The following DLGAP5 variants were observed in gnomAD, a reference collection of about 807,000 sequenced individuals.
DLGAP5 encodes DLG associated protein 5, also known as disks large-associated protein 5.
Under a neutral mutation model 99.6 loss-of-function variants are expected in DLGAP5, and 90 were observed. The observed-to-expected ratio is 0.90, with a 90% confidence interval of 0.76 to 1.08. The LOEUF (loss-of-function observed/expected upper bound fraction) is 1.08. DLGAP5 is among the 50% of genes least tolerant of loss of function. The pLI is 0.00. For synonymous variants in DLGAP5, 311 were observed against 321.3 expected (o/e 0.97, Z 0.34); for missense variants, 1,036 against 983.5 (o/e 1.05, Z -0.71).
chr14:55,154,532 C>A, intron 15 of DLGAP5, 85 bp downstream of exon 15: 1 of 1,128,888 alleles, frequency 8.9e-7, no homozygotes. Flanking sequence ...AAATATATGT[C>A]TGGCACCTTT....
At position 55,151,796 on chromosome 14, in the gene DLGAP5, G is replaced by A. The variant is rs754169309; in HGVS notation, c.2267C>T (p.Ser756Phe). 1.9e-6 allele frequency: 3 copies of A among 1,613,738 alleles called. No homozygotes were observed. Among genetic ancestry groups the A allele is most frequent in the Non-Finnish European group, 2.5e-6 (3 of 1,179,954 alleles). ...CAAAACATCCTGTGATGTAATTGAA[G>A]AATTCAGTTCCATTCCTTCCACAAC... ...SDVVEGMELN[S>F]SITSQDVLMS... The change falls in exon 17 of 19, where the codon TCT becomes TTT. Residue 756 changes from serine (S) to phenylalanine (F), a missense_variant. By Grantham distance (155) the Ser-to-Phe change is radical (BLOSUM62 -2). Transcript: ENST00000247191.
intron 1 of DLGAP5, among the ~76,000 whole-genome samples, chr14:55,190,893 G>A (rs1883593180): frequency 6.6e-6 from 1 of 152,200 alleles, no homozygotes; most frequent in South Asian, 2.1e-4. Flanking sequence ...ACTATCCACA[G>A]CAAGAGAAAG....
rs1215732362 is a variant in DLGAP5, at chr14:55,151,848, T to C, written c.2215A>G (p.Thr739Ala). The C allele has an allele frequency of 1.2e-6, 2 of 1,614,040 alleles. No individual in the cohort carries two copies. The highest frequency in any genetic ancestry group is 2.2e-5 in the East Asian group (1 of 44,840). Residue 739 changes from threonine (T) to alanine (A), a missense_variant, in exon 17 of 19, where the codon ACT becomes GCT. Thr to Ala is a moderately conservative substitution (Grantham distance 58). Transcript: ENST00000247191. ...TCTGAAATTCCTTCTTTTTTGTTAG[T>C]ATTAATATCATCTGCTACTCCACCA... ...LAGGVADDIN[T>A]NKKEGISDVV...
chr14:55,167,489 CACA>C (rs1566499845), intron 12 of DLGAP5, among the ~76,000 whole-genome samples: 1 of 152,150 alleles, frequency 6.6e-6, no homozygotes, highest in African/African-American at 2.4e-5. Flanking sequence ...TTTCCTTCCT[CACA>C]ACGTTTTCTT....
intron 3 of DLGAP5, among the ~76,000 whole-genome samples, chr14:55,182,802 A>G (rs1239777461): frequency 1.3e-5 from 2 of 152,080 alleles, no homozygotes; most frequent in African/African-American, 4.8e-5. Flanking sequence ...AATTTTATAT[A>G]TCCTTATTGG....
chr14:55,181,123 G>A (rs1411218634), intron 5 of DLGAP5, 90 bp downstream of exon 5: 14 of 1,247,176 alleles, frequency 1.1e-5, no homozygotes, highest in Admixed American at 2.1e-5. Context: ...ACAAACAAAC[G>A]AACAAATTCC....
chr14:55,175,799 C>T (rs1358600715), intron 9 of DLGAP5, 95 bp downstream of exon 9: 6 of 1,111,560 alleles, frequency 5.4e-6, no homozygotes, highest in Non-Finnish European at 6.2e-6. Context: ...AGTAATAATC[C>T]AGAAAAGTAA....
rs576611844 is a variant in DLGAP5 at position 55,159,878 on chromosome 14, T to C, written c.1654-1137A>G. Among the ~76,000 whole-genome samples the C allele has an allele frequency of 1.9e-4, 29 of 152,146 alleles. No individual in the cohort carries two copies. The South Asian group carries it at 4.8e-3, about 25-fold the overall frequency. On this transcript the variant is annotated intron_variant, in intron 13 of 18. Transcript: ENST00000247191. Reference sequence around the variant, plus strand: ...CAAATATGCAAATATGACTGAAGAATAGGCAAAGAAGAAGGAAATATAATT... The same window carrying C: ...CAAATATGCAAATATGACTGAAGAACAGGCAAAGAAGAAGGAAATATAATT...
chr14:55,169,444 A>T lies in DLGAP5; in HGVS notation c.1503T>A (p.Thr501=). Residue 501 remains threonine (T), a synonymous_variant, in exon 12 of 19, where the codon ACT becomes ACA. Transcript: ENST00000247191. ...DCEYKRGIKE[T]TCTDLDGFWD... is the part of the protein sequence containing the mutation. ...AAAATCCATCCAGATCTGTACAGGT[A>T]GTCTCCTTTATACCTCGTTTATATT... is the stretch of plus-strand genomic sequence containing the variant. 6.2e-7 allele frequency: 1 copy of T among 1,610,718 alleles called. No homozygotes were observed. Among genetic ancestry groups the T allele is most frequent in the Non-Finnish European group, 8.5e-7 (1 of 1,178,906 alleles).
chr14:55,177,541 CTTT>C (rs775347897), intron 7 of DLGAP5, among the ~76,000 whole-genome samples: 3 of 144,254 alleles, frequency 2.1e-5, no homozygotes, highest in South Asian at 2.2e-4. Flanking sequence ...GGAATAGAAT[CTTT>C]TTTTTTTTTT....
intron 11 of DLGAP5, among the ~76,000 whole-genome samples, chr14:55,169,924 C>T (rs1282229037): frequency 2.6e-5 from 4 of 152,164 alleles, no homozygotes; most frequent in Non-Finnish European, 5.9e-5. Context: ...CACCTGAGGT[C>T]AGGAGTTCGA....
intron 14 of DLGAP5, among the ~76,000 whole-genome samples, chr14:55,155,244 C>T (rs967677492): frequency 1.3e-5 from 2 of 150,886 alleles, no homozygotes; most frequent in Admixed American, 6.6e-5. Flanking sequence ...AGGCTGGTCT[C>T]GAACTCCTGA....
intron 15 of DLGAP5, among the ~76,000 whole-genome samples, chr14:55,154,041 G>A (rs1403639203): frequency 6.6e-6 from 1 of 152,160 alleles, no homozygotes; most frequent in East Asian, 1.9e-4. Context: ...AGGCAACAGA[G>A]TGAGACTCCA....
chr14:55,180,596 C>T (rs900351702), intron 6 of DLGAP5, 60 bp downstream of exon 6: 3 of 1,593,526 alleles, frequency 1.9e-6, no homozygotes, highest in African/African-American at 2.7e-5. Context: ...TGAAACGGAA[C>T]ACAAAAACCT....
chr14:55,163,410 T>A (rs530957088), intron 12 of DLGAP5, among the ~76,000 whole-genome samples: 1 of 152,334 alleles, frequency 6.6e-6, no homozygotes, highest in South Asian at 2.1e-4. Context: ...ATTTTTTTTT[T>A]ATTTATCCAT....
At chr14:55,162,887 G>A in intron 13 of DLGAP5, 84 bp downstream of exon 13, 1 of 548,678 alleles carries the variant, frequency 1.8e-6, no homozygotes. Context: ...AGAAGTAGAA[G>A]AATCTATATT....
intron 12 of DLGAP5, among the ~76,000 whole-genome samples, chr14:55,168,588 A>G (rs897739125): frequency 2.0e-5 from 3 of 152,156 alleles, no homozygotes; most frequent in African/African-American, 7.2e-5. Context: ...CCATACCTTT[A>G]CTGATCTTCC....
rs377000715 is a variant in DLGAP5 at position 55,180,753 on chromosome 14, C to T, written c.606G>A (p.Ser202=). The T allele has an allele frequency of 6.1e-5, 98 of 1,613,890 alleles. No individual in the cohort carries two copies. Among genetic ancestry groups the T allele is most frequent in the Admixed American group, 5.8e-4 (35 of 59,968 alleles). ...KKVVQPVMPT[S]LRMTRSATQA... ...GAGTAGCTGATCGAGTCATTCTCAACGACGTGGGCATTACAGGCTGCACAA... is the reference window on the plus strand; with the variant it reads ...GAGTAGCTGATCGAGTCATTCTCAATGACGTGGGCATTACAGGCTGCACAA... Residue 202 remains serine, a synonymous_variant, in exon 6 of 19, where the codon TCG becomes TCA. Transcript: ENST00000247191.
rs2139516091 is a variant in DLGAP5, at chr14:55,177,057, C to T, written c.1049+5G>A. Reference sequence around the variant, plus strand: ...AGAGACTTATTATTAAGATCATATTCTTACACTTCTGTTTTTAAAGGAGTC... The same window carrying T: ...AGAGACTTATTATTAAGATCATATTTTTACACTTCTGTTTTTAAAGGAGTC... On this transcript the variant is annotated splice_donor_5th_base_variant and intron_variant, in intron 8 of 18. Coordinates refer to ENST00000247191, the MANE Select transcript of DLGAP5 (RefSeq NM_014750.5). 3 of 1,231,632 alleles carry T rather than the reference C, an allele frequency of 2.4e-6. No individual in the cohort carries two copies. Among genetic ancestry groups the T allele is most frequent in the South Asian group, 2.0e-5 (1 of 49,118 alleles). 76.3% of individuals were successfully genotyped at this position (1,231,632 alleles called of 1,614,324 possible).
Sources: gnomAD v4.1 joint callset for allele counts (sites outside exome capture counted in the v4.1 genomes callset) on GRCh38, gnomAD v4.1.1 for gene constraint, MANE v1.5 for transcripts, NCBI Gene and HGNC (gene_info 2026-07-23, HGNC 2026-07-21) for gene names.